Variants in CSMD1 observed in about 807,000 individuals in gnomAD.
CSMD1 encodes CUB and Sushi multiple domains 1.
CSMD1 carries 213 observed loss-of-function variants against 417.5 expected under a neutral mutation model. The observed-to-expected ratio is 0.51, with a 90% confidence interval of 0.46 to 0.57. The LOEUF is 0.57. Ranked by LOEUF, CSMD1 falls within the 20% of genes least tolerant of loss-of-function variation. The pLI is 0.00. For missense variants in CSMD1, 6,923 were observed against 4,529.7 expected (o/e 1.53, Z -15.17); for synonymous variants, 2,862 against 1,736.8 (o/e 1.65, Z -16.11).
chr8:3,474,828 A>G (rs972478966), intron 11 of CSMD1, among the ~76,000 whole-genome samples: 24 of 152,198 alleles, frequency 1.6e-4, no homozygotes, highest in Middle Eastern at 3.2e-3. Flanking sequence ...AGTTGACTCT[A>G]TAGTACATAT....
At chr8:4,870,722 T>C (rs887673300) in intron 1 of CSMD1, among the ~76,000 whole-genome samples, 1 of 152,112 alleles carries the variant, frequency 6.6e-6, no homozygotes, top group Non-Finnish European at 1.5e-5. Flanking sequence ...AGCCTTTGCC[T>C]TCCAGACATT....
At chr8:4,682,232 G>T (rs1351056923) in intron 1 of CSMD1, among the ~76,000 whole-genome samples, 1 of 152,066 alleles carries the variant, frequency 6.6e-6, no homozygotes, top group Non-Finnish European at 1.5e-5. Context: ...ATTTCACTAT[G>T]TTGCCCAGGC....
At chr8:4,052,633 G>C (rs111855756) in intron 3 of CSMD1, among the ~76,000 whole-genome samples, 7 of 151,994 alleles carry the variant, frequency 4.6e-5, no homozygotes, top group African/African-American at 1.5e-4. Flanking sequence ...TTCAACCTAG[G>C]CATCTCCTTT....
chr8:3,305,804 C>A (rs190713946), intron 25 of CSMD1, among the ~76,000 whole-genome samples: 2 of 152,112 alleles, frequency 1.3e-5, no homozygotes, highest in East Asian at 1.9e-4. Flanking sequence ...CTCAGCCTCC[C>A]GAGTAGCTGG....
chr8:3,883,362 T>C (rs992499102), intron 5 of CSMD1, among the ~76,000 whole-genome samples: 1 of 152,088 alleles, frequency 6.6e-6, no homozygotes, highest in East Asian at 1.9e-4. Flanking sequence ...TAACATGAAG[T>C]TTTCCAGCTA....
In CSMD1 at chr8:4,240,133, G is replaced by A. The variant is rs114900430; in HGVS notation, c.415+179820C>T. On this transcript the variant is annotated intron_variant, in intron 3 of 69. Coordinates refer to ENST00000635120, the MANE Select transcript of CSMD1 (RefSeq NM_033225.6). ...TTGATTGTTATTTTTCTATCTAAAA[G>A]TAAAATAAACATTATTTAATCCCAG... 4.3e-3 allele frequency among the ~76,000 whole-genome samples: 659 copies of A among 152,228 alleles called. 7 individuals carry two copies. Among genetic ancestry groups the A allele is most frequent in the African/African-American group, 0.015 (620 of 41,544 alleles).
At chr8:4,217,178 C>A (rs543123691) in intron 3 of CSMD1, among the ~76,000 whole-genome samples, 1 of 152,100 alleles carries the variant, frequency 6.6e-6, no homozygotes, top group Non-Finnish European at 1.5e-5. Flanking sequence ...CTTTTCATGC[C>A]GCTGCTTATC....
chr8:3,795,977 GTACAGA>G, intron 5 of CSMD1, among the ~76,000 whole-genome samples: 1 of 56,696 alleles, frequency 1.8e-5, no homozygotes, highest in African/African-American at 5.5e-5. Flanking sequence ...TATCTATCAT[GTACAGA>G]TATAGATATA....
Position 4,467,379 on chromosome 8 carries a change from C to T in CSMD1, c.303-47314G>A, listed in dbSNP as rs974173651. On this transcript the variant is annotated intron_variant, in intron 2 of 69. Transcript: ENST00000635120. ...GCACCTGGATCAATTCAAATGTCCTCATTCCCTGCTCATCTCCTCCATTTT... is the reference window on the plus strand; with the variant it reads ...GCACCTGGATCAATTCAAATGTCCTTATTCCCTGCTCATCTCCTCCATTTT... Among the ~76,000 whole-genome samples the T allele has an allele frequency of 1.1e-4, 16 of 152,226 alleles. 1 individual carries two copies. Among genetic ancestry groups the T allele is most frequent in the South Asian group, 4.1e-4 (2 of 4,820 alleles).
At chr8:3,495,898 A>G (rs999456347) in intron 10 of CSMD1, among the ~76,000 whole-genome samples, 2 of 152,018 alleles carry the variant, frequency 1.3e-5, no homozygotes, top group African/African-American at 4.8e-5. Flanking sequence ...TTTTTTACAT[A>G]TAATTATCTT....
intron 23 of CSMD1, among the ~76,000 whole-genome samples, chr8:3,310,631 T>G (rs188851438): frequency 6.6e-6 from 1 of 152,338 alleles, no homozygotes; most frequent in Non-Finnish European, 1.5e-5. Context: ...ACTTTTGAGT[T>G]CAGCATCTAT....
At chr8:3,860,413 C>A (rs7012625) in intron 5 of CSMD1, among the ~76,000 whole-genome samples, 53,080 of 151,938 alleles carry the variant, frequency 0.35, 12,008 homozygotes, top group African/African-American at 0.65. Flanking sequence ...CTCAATGTTT[C>A]TATGTTACTA....
At chr8:4,325,332 T>A (rs1377886459) in intron 3 of CSMD1, among the ~76,000 whole-genome samples, 4 of 152,068 alleles carry the variant, frequency 2.6e-5, no homozygotes, top group African/African-American at 9.7e-5. Context: ...TAGTTGGAGG[T>A]GGAGGGTTCT....
rs369406728 is a variant in CSMD1 at position 4,244,526 on chromosome 8, A to C, written c.415+175427T>G. ...TTGAAGAGTGTTAGCAAGTCAAATA[A>C]AATTTTCTTTCTTTTTTCTTATCAG... On this transcript the variant is annotated intron_variant, in intron 3 of 69. Coordinates refer to ENST00000635120, the MANE Select transcript of CSMD1 (RefSeq NM_033225.6). Among the ~76,000 whole-genome samples the C allele has an allele frequency of 4.3e-4, 65 of 151,574 alleles. No individual in the cohort carries two copies. The South Asian group carries it at 0.013, about 31-fold the overall frequency.
At chr8:4,795,238 T>G (rs1797910645) in intron 1 of CSMD1, among the ~76,000 whole-genome samples, 2 of 146,002 alleles carry the variant, frequency 1.4e-5, no homozygotes, top group South Asian at 2.3e-4. Context: ...TTTCTAGGTC[T>G]GCTGGTGTCA....
intron 5 of CSMD1, among the ~76,000 whole-genome samples, chr8:3,884,905 C>G (rs991253050): frequency 6.8e-6 from 1 of 147,016 alleles, no homozygotes; most frequent in East Asian, 2.0e-4. Context: ...ATATTAAAGG[C>G]CTTCTAAATA....
chr8:4,180,761 T>G (rs183756964), intron 3 of CSMD1, among the ~76,000 whole-genome samples: 1 of 152,166 alleles, frequency 6.6e-6, no homozygotes, highest in Admixed American at 6.6e-5. Flanking sequence ...TTCCTTCTTA[T>G]CTAACATTGT....
At chr8:3,459,615 C>A (rs1816372701) in intron 12 of CSMD1, among the ~76,000 whole-genome samples, 2 of 152,148 alleles carry the variant, frequency 1.3e-5, no homozygotes, top group East Asian at 3.9e-4. Flanking sequence ...AGCAGAGCAC[C>A]CACCACTGAA....
At chr8:4,112,141 G>A (rs192350243) in intron 3 of CSMD1, among the ~76,000 whole-genome samples, 10 of 152,158 alleles carry the variant, frequency 6.6e-5, no homozygotes, top group Non-Finnish European at 1.3e-4. Flanking sequence ...TCAAAGTGCT[G>A]GGCATCCAGA....
Sources: allele counts gnomAD v4.1 joint callset (sites outside exome capture counted in the v4.1 genomes callset), GRCh38; gene constraint gnomAD v4.1.1; transcripts MANE v1.5; gene names NCBI Gene and HGNC (gene_info 2026-07-23, HGNC 2026-07-21).